Variants in RBFOX1 observed in about 807,000 individuals in gnomAD.
RBFOX1 encodes RNA binding protein fox-1 homolog 1.
A neutral mutation model predicts 57.7 loss-of-function variants in RBFOX1; 8 were observed. The ratio of observed to expected loss-of-function variants is 0.14; its 90% CI spans 0.08 to 0.25. RBFOX1 has a LOEUF of 0.25. Ranked by LOEUF, RBFOX1 falls within the 10% of genes least tolerant of loss-of-function variation. The probability of loss-of-function intolerance (pLI) is 1.00; values close to 1 mark genes in which losing one functional copy is unlikely to be tolerated. For synonymous variants in RBFOX1, 326 were observed against 222.4 expected (o/e 1.47, Z -4.15); for missense variants, 611 against 548.5 (o/e 1.11, Z -1.14).
intron 2 of RBFOX1, among the ~76,000 whole-genome samples, chr16:5,488,394 G>T (rs958590894): frequency 2.0e-5 from 3 of 151,568 alleles, no homozygotes; most frequent in Non-Finnish European, 4.4e-5. Context: ...AGATGCTGGT[G>T]TGGCGGGGTG....
rs968812867 is a variant in RBFOX1 at position 6,184,814 on chromosome 16, G to A, written c.-126-132181G>A. Among the ~76,000 whole-genome samples the A allele has an allele frequency of 5.3e-5, 8 of 151,852 alleles. No individual in the cohort carries two copies. In the East Asian group the frequency reaches 5.9e-4, roughly 11 times the overall value. On this transcript the variant is annotated intron_variant, in intron 1 of 15. Transcript: ENST00000550418. The stretch of plus-strand genomic sequence containing the variant: ...GATCTCTTGACCTCGTGATCCACCC[G>A]CCTCAGCCTTCCAAAGTGCTGGGAT...
chr16:7,424,503 A>G (rs1017995197), intron 4 of RBFOX1, among the ~76,000 whole-genome samples: 11 of 152,070 alleles, frequency 7.2e-5, no homozygotes, highest in African/African-American at 2.4e-4. Flanking sequence ...CATGTGATCC[A>G]CCCACCTCGG....
Position 7,216,674 on chromosome 16 carries a change from A to G in RBFOX1, c.27+164576A>G, listed in dbSNP as rs906339476. On this transcript the variant is annotated intron_variant, in intron 4 of 15. Transcript: ENST00000550418. ...CTCCGTCAAAATAAAATAAAAATTA[A>G]AAAACCCACAAACAAACCGAGACAA... Among the ~76,000 whole-genome samples, 11 of 142,198 alleles carry G rather than the reference A, an allele frequency of 7.7e-5. No individual in the cohort carries two copies. In the East Asian group the frequency reaches 2.6e-3, roughly 33 times the overall value. 93.3% of individuals were successfully genotyped at this position (142,198 alleles called of 152,430 possible).
chr16:5,575,166 G>T (rs938603326), intron 2 of RBFOX1, among the ~76,000 whole-genome samples: 5 of 152,170 alleles, frequency 3.3e-5, no homozygotes, highest in Non-Finnish European at 7.4e-5. Context: ...TGATGCTTCT[G>T]TTACCCTAAA....
chr16:7,705,102 C>T (rs952680396), intron 14 of RBFOX1, among the ~76,000 whole-genome samples: 1 of 150,146 alleles, frequency 6.7e-6, no homozygotes, highest in East Asian at 2.0e-4. Context: ...CTTCATCTCT[C>T]TAGGGAAGGG....
chr16:6,259,958 C>CAAA (rs57516778), intron 1 of RBFOX1, among the ~76,000 whole-genome samples: 2 of 70,054 alleles, frequency 2.9e-5, no homozygotes, highest in Admixed American at 1.6e-4. Flanking sequence ...GAGACTGTCT[C>CAAA]AAAAAAAAAA....
intron 3 of RBFOX1, among the ~76,000 whole-genome samples, chr16:6,737,025 T>C (rs1224178469): frequency 6.6e-6 from 1 of 152,178 alleles, no homozygotes; most frequent in African/African-American, 2.4e-5. Flanking sequence ...AAGAGGAGCC[T>C]CATTTAAGCA....
chr16:7,146,222 C>T (rs1452347821), intron 4 of RBFOX1, among the ~76,000 whole-genome samples: 1 of 64,864 alleles, frequency 1.5e-5, no homozygotes, highest in East Asian at 3.6e-4. Context: ...GATACTGGGC[C>T]TCACAATCCA....
intron 3 of RBFOX1, among the ~76,000 whole-genome samples, chr16:6,998,443 G>A (rs916500941): frequency 6.6e-6 from 1 of 152,172 alleles, no homozygotes; most frequent in Non-Finnish European, 1.5e-5. Flanking sequence ...TTTGGGGATG[G>A]GGGCAGTTGT....
chr16:7,142,146 C>T (rs996525907), intron 4 of RBFOX1, among the ~76,000 whole-genome samples: 2 of 152,084 alleles, frequency 1.3e-5, no homozygotes, highest in African/African-American at 2.4e-5. Context: ...ACCTCAGCCT[C>T]CCAAGTAGCT....
chr16:5,896,759 A>G (rs920221496), intron 4 of RBFOX1, among the ~76,000 whole-genome samples: 1 of 152,074 alleles, frequency 6.6e-6, no homozygotes, highest in African/African-American at 2.4e-5. Context: ...GGAGAAGAGG[A>G]GATATGAGCT....
chr16:6,009,960 T>G (rs1192675071), intron 4 of RBFOX1, among the ~76,000 whole-genome samples: 2 of 152,130 alleles, frequency 1.3e-5, no homozygotes, highest in African/African-American at 4.8e-5. Flanking sequence ...TACACTGCAG[T>G]TGGACAGCCA....
At chr16:7,035,525 C>G (rs2044151267) in intron 3 of RBFOX1, among the ~76,000 whole-genome samples, 1 of 152,062 alleles carries the variant, frequency 6.6e-6, no homozygotes, top group African/African-American at 2.4e-5. Context: ...CAATATTTTC[C>G]CACTCAGTTT....
At chr16:7,095,788 C>T (rs573415701) in intron 4 of RBFOX1, among the ~76,000 whole-genome samples, 35 of 151,888 alleles carry the variant, frequency 2.3e-4, no homozygotes, top group African/African-American at 8.4e-4. Flanking sequence ...TTCGGGAGAC[C>T]GATCATGAGG....
chr16:6,732,790 G>A (rs1330502024), intron 3 of RBFOX1, among the ~76,000 whole-genome samples: 2 of 152,172 alleles, frequency 1.3e-5, no homozygotes, highest in African/African-American at 4.8e-5. Context: ...CATTTTTGAA[G>A]AGTAAATAAT....
At chr16:6,675,593 G>C (rs879465804) in intron 3 of RBFOX1, among the ~76,000 whole-genome samples, 1 of 152,140 alleles carries the variant, frequency 6.6e-6, no homozygotes, top group African/African-American at 2.4e-5. Context: ...CCTGAGACTG[G>C]GTAATTTGTA....
intron 2 of RBFOX1, among the ~76,000 whole-genome samples, chr16:6,426,529 G>T (rs2093933486): frequency 6.6e-6 from 1 of 152,104 alleles, no homozygotes; most frequent in South Asian, 2.1e-4. Context: ...TACCTGGGAG[G>T]CCGAGGTGGG....
At chr16:6,571,905 A>G (rs1296904688) in intron 2 of RBFOX1, among the ~76,000 whole-genome samples, 1 of 139,610 alleles carries the variant, frequency 7.2e-6, no homozygotes, top group African/African-American at 3.4e-5. Context: ...GTAACATTTG[A>G]TTAATTACTT....
chr16:6,548,385 G>C (rs552581382), intron 2 of RBFOX1, among the ~76,000 whole-genome samples: 1 of 152,220 alleles, frequency 6.6e-6, no homozygotes, highest in South Asian at 2.1e-4. Flanking sequence ...TTGTTGGGGG[G>C]TATGTAGTGT....
Sources: allele counts gnomAD v4.1 joint callset (sites outside exome capture counted in the v4.1 genomes callset), GRCh38; gene constraint gnomAD v4.1.1; transcripts MANE v1.5; gene names NCBI Gene and HGNC (gene_info 2026-07-23, HGNC 2026-07-21).